Variants in KCNQ3 observed in about 807,000 individuals in gnomAD.
The protein encoded by KCNQ3 is potassium voltage-gated channel subfamily KQT member 3.
KCNQ3 carries 30 observed loss-of-function variants against 92.5 expected under a neutral mutation model. The ratio of observed to expected loss-of-function variants is 0.32; its 90% CI spans 0.24 to 0.44. The LOEUF is 0.44. Ranked by LOEUF, KCNQ3 falls within the 20% of genes least tolerant of loss-of-function variation. KCNQ3 has a pLI of 1.00. For missense variants in KCNQ3, 913 were observed against 1,140.3 expected (o/e 0.80, Z 2.87); for synonymous variants, 450 against 468.8 (o/e 0.96, Z 0.52).
chr8:132,470,260 C>T lies in KCNQ3; in HGVS notation c.386+9887G>A, dbSNP rs117551291. Reference sequence around the variant, plus strand: ...GGGCAATGCCTGTCATCTGGACTCACGTGTATGCTTTGTGTGTTTGTGTGT... The same window carrying T: ...GGGCAATGCCTGTCATCTGGACTCATGTGTATGCTTTGTGTGTTTGTGTGT... On this transcript the variant is annotated intron_variant, in intron 1 of 14. Coordinates refer to ENST00000388996, the MANE Select transcript of KCNQ3 (RefSeq NM_004519.4). Among the ~76,000 whole-genome samples, 97 of 152,280 alleles carry T rather than the reference C, an allele frequency of 6.4e-4. 1 individual carries two copies. In the East Asian group the frequency reaches 0.015, roughly 24 times the overall value.
chr8:132,142,771 G>A (rs1298824723), intron 9 of KCNQ3, among the ~76,000 whole-genome samples: 1 of 152,178 alleles, frequency 6.6e-6, no homozygotes, highest in African/African-American at 2.4e-5. Context: ...TGTCTGGTTA[G>A]GCTAGTCATG....
chr8:132,315,087 T>A (rs1817702784), intron 1 of KCNQ3, among the ~76,000 whole-genome samples: 1 of 152,208 alleles, frequency 6.6e-6, no homozygotes, highest in South Asian at 2.1e-4. Context: ...ATGAGTAGCA[T>A]GTTCTGCTTA....
intron 1 of KCNQ3, among the ~76,000 whole-genome samples, chr8:132,468,366 G>C (rs1370223927): frequency 6.6e-6 from 1 of 152,176 alleles, no homozygotes; most frequent in Admixed American, 6.5e-5. Context: ...AAGTCTTGTT[G>C]GATAAGATTT....
rs377544256 is a variant in KCNQ3 at position 132,244,960 on chromosome 8, AT to A, written c.387-58780del. Among the ~76,000 whole-genome samples the A allele has an allele frequency of 3.5e-3, 529 of 150,750 alleles. 2 individuals are homozygous for A. Among genetic ancestry groups the A allele is most frequent in the African/African-American group, 0.012 (505 of 41,228 alleles). On this transcript the variant is annotated intron_variant, in intron 1 of 14. Transcript: ENST00000388996. Reference sequence around the variant, plus strand: ...AAAAAAGATGAAAAAGCTACCCACGATTCCACTGCTCTGGCTCATTGGTATA... The same window carrying A: ...AAAAAAGATGAAAAAGCTACCCACGATCCACTGCTCTGGCTCATTGGTATA...
chr8:132,129,284 G>T lies in KCNQ3; in HGVS notation c.2597C>A (p.Thr866Asn). ...CTTTTAAATGGGCTTATTGGAAGGG[G>T]TCCATACTGAATCAGAAATCCCATC... Reference protein sequence around the residue: ...TGDGISDSVWTPSNKPI With the variant: ...TGDGISDSVWNPSNKPI The change falls in exon 15 of 15, where the codon ACC becomes AAC. Residue 866 changes from threonine to asparagine, a missense_variant. Thr to Asn is a moderately conservative substitution (Grantham distance 65, BLOSUM62 0). Transcript: ENST00000388996. This position sits in a 1 kb window ranked among gnomAD's most constrained non-coding sequence, Gnocchi z 5.9. The T allele has an allele frequency of 6.2e-7, 1 of 1,613,096 alleles. No homozygotes were observed.
In KCNQ3 at chr8:132,232,393, C is replaced by A. The variant is rs533688853; in HGVS notation, c.387-46212G>T. ...TGAGGATTTACACACAGGACTCAAT[C>A]GTTGATAATTTTATGCTTTCTTTTC... is the stretch of plus-strand genomic sequence containing the variant. On this transcript the variant is annotated intron_variant, in intron 1 of 14. Coordinates refer to ENST00000388996, the MANE Select transcript of KCNQ3 (RefSeq NM_004519.4). Among the ~76,000 whole-genome samples the A allele has an allele frequency of 6.6e-5, 10 of 152,284 alleles. No individual in the cohort carries two copies. In the East Asian group the frequency reaches 1.7e-3, roughly 26 times the overall value.
rs560976201 is a variant in KCNQ3, at chr8:132,137,041, T to G, written c.1700+844A>C. On this transcript the variant is annotated intron_variant, in intron 12 of 14. Coordinates refer to ENST00000388996, the MANE Select transcript of KCNQ3 (RefSeq NM_004519.4). ...CACCATGCCTGGATTTTTTTTTTTTTTGTATTTTTAGTAGAGAGGGGGTTT... is the reference window on the plus strand; with the variant it reads ...CACCATGCCTGGATTTTTTTTTTTTGTGTATTTTTAGTAGAGAGGGGGTTT... 7.9e-5 allele frequency among the ~76,000 whole-genome samples: 12 copies of G among 151,072 alleles called. No homozygotes were observed. In the East Asian group the frequency reaches 2.3e-3, roughly 29 times the overall value.
Position 132,480,558 on chromosome 8 carries a change from G to A in KCNQ3, c.-26C>T, listed in dbSNP as rs1253670641. On this transcript the variant is annotated 5_prime_UTR_variant, in exon 1 of 15. Coordinates refer to ENST00000388996, the MANE Select transcript of KCNQ3 (RefSeq NM_004519.4). ...CTGCCTCGCCCCCGCCGGCCGCTTC[G>A]CCTTCTCCGCTGCTGCTCTGGGAAG... 1 of 1,256,064 alleles carries A rather than the reference G, an allele frequency of 8.0e-7. No individual in the cohort carries two copies. The highest frequency in any genetic ancestry group is 1.0e-6 in the Non-Finnish European group (1 of 978,370). 77.8% of individuals were successfully genotyped at this position (1,256,064 alleles called of 1,614,324 possible).
intron 1 of KCNQ3, among the ~76,000 whole-genome samples, chr8:132,318,257 C>T (rs1352803064): frequency 2.0e-5 from 3 of 152,202 alleles, no homozygotes; most frequent in South Asian, 2.1e-4. Flanking sequence ...TGATTTAATA[C>T]ATAAAGTAAT....
chr8:132,366,841 ACT>A (rs1472660589), intron 1 of KCNQ3, among the ~76,000 whole-genome samples: 1 of 151,816 alleles, frequency 6.6e-6, no homozygotes, highest in African/African-American at 2.4e-5. Context: ...GTATTGCTGG[ACT>A]CTCTTTGCTA....
At chr8:132,455,133 T>C (rs992989226) in intron 1 of KCNQ3, among the ~76,000 whole-genome samples, 1 of 152,226 alleles carries the variant, frequency 6.6e-6, no homozygotes, top group Non-Finnish European at 1.5e-5. Flanking sequence ...TAAATTTTTT[T>C]TAAGACAGAG....
intron 1 of KCNQ3, among the ~76,000 whole-genome samples, chr8:132,198,029 G>A (rs921656913): frequency 1.1e-4 from 17 of 152,194 alleles, no homozygotes; most frequent in Non-Finnish European, 2.4e-4. Flanking sequence ...GCTGGGACCT[G>A]TGCTTTGTTT....
intron 1 of KCNQ3, among the ~76,000 whole-genome samples, chr8:132,303,811 TACAC>T (rs1817330118): frequency 6.7e-6 from 1 of 149,248 alleles, no homozygotes; most frequent in African/African-American, 2.5e-5. Flanking sequence ...TGTATAGATA[TACAC>T]ACATATATAC....
In KCNQ3 at chr8:132,130,010, G is replaced by A; in HGVS notation, c.1885-14C>T. 1 of 1,612,340 alleles carries A rather than the reference G, an allele frequency of 6.2e-7. No homozygotes were observed. The highest frequency in any genetic ancestry group is 2.2e-5 in the East Asian group (1 of 44,880). On this transcript the variant is annotated splice_polypyrimidine_tract_variant and intron_variant, in intron 14 of 14. Transcript: ENST00000388996. ...CATGTCCTGAACCTGGAAAATCAAA[G>A]GAGCTGTGAATTACCACTTTCTCTG...
intron 1 of KCNQ3, among the ~76,000 whole-genome samples, chr8:132,294,432 G>A (rs1031423750): frequency 1.3e-5 from 2 of 152,144 alleles, no homozygotes; most frequent in Non-Finnish European, 2.9e-5. Context: ...AGGAGAAAAG[G>A]AGAATCAAAG....
At chr8:132,470,997 C>T (rs1048395377) in intron 1 of KCNQ3, among the ~76,000 whole-genome samples, 3 of 152,178 alleles carry the variant, frequency 2.0e-5, no homozygotes, top group African/African-American at 7.2e-5. Context: ...TAGTTTGTCT[C>T]ATTATACACA....
chr8:132,345,977 G>T (rs185684969), intron 1 of KCNQ3, among the ~76,000 whole-genome samples: 49 of 151,842 alleles, frequency 3.2e-4, no homozygotes, highest in African/African-American at 1.1e-3. Flanking sequence ...ATAATGTGAT[G>T]AGTATTATGA....
At chr8:132,138,960 G>A (rs1825195464) in intron 11 of KCNQ3, among the ~76,000 whole-genome samples, 3 of 152,100 alleles carry the variant, frequency 2.0e-5, no homozygotes, top group Admixed American at 1.3e-4. Flanking sequence ...ATAAACTAAG[G>A]CTCACAGGCC....
chr8:132,182,480 G>A (rs1826817929), intron 3 of KCNQ3, among the ~76,000 whole-genome samples: 2 of 152,252 alleles, frequency 1.3e-5, no homozygotes, highest in African/African-American at 4.8e-5. Flanking sequence ...GTGATGCTGA[G>A]GCCCAGCCTC....
Sources: gnomAD v4.1 joint callset for allele counts (sites outside exome capture counted in the v4.1 genomes callset) on GRCh38, gnomAD v4.1.1 for gene constraint, Gnocchi (gnomAD v3.1) non-coding constraint, MANE v1.5 for transcripts, NCBI Gene and HGNC (gene_info 2026-07-23, HGNC 2026-07-21) for gene names.